PROX1: variants seen among roughly 807,000 people sequenced by gnomAD.
PROX1 encodes the protein prospero homeobox 1.
Under a neutral mutation model 58.8 loss-of-function variants are expected in PROX1, and 7 were observed. The ratio of observed to expected loss-of-function variants is 0.12; its 90% CI spans 0.07 to 0.22. The LOEUF is 0.22. Ranked by LOEUF, PROX1 falls within the 10% of genes least tolerant of loss-of-function variation. The probability of loss-of-function intolerance (pLI) is 1.00; values close to 1 mark genes in which losing one functional copy is unlikely to be tolerated. For missense variants in PROX1, 675 were observed against 927.8 expected (o/e 0.73, Z 3.54); for synonymous variants, 350 against 358.3 (o/e 0.98, Z 0.26).
rs369293784 is a variant in PROX1 at position 214,018,081 on chromosome 1, C to A, written c.2028+6366C>A. On this transcript the variant is annotated intron_variant, in intron 4 of 4. Transcript: ENST00000366958. ...GTTCTAACAACCTTTTGAAAGACAG[C>A]CTGTTTATTTCGCCTAGATGAAACA... 3.3e-5 allele frequency among the ~76,000 whole-genome samples: 5 copies of A among 152,182 alleles called. No homozygotes were observed. The East Asian group carries it at 7.7e-4, about 23-fold the overall frequency.
At position 214,038,160 on chromosome 1, in the gene PROX1, G is replaced by A. The variant is rs1664890798; in HGVS notation, c.*2326G>A. On this transcript the variant is annotated 3_prime_UTR_variant, in exon 5 of 5. Coordinates refer to ENST00000366958, the MANE Select transcript of PROX1 (RefSeq NM_001270616.2). ...CAAAAGTGTGTGTTCACAACCAAAT[G>A]TTGATGCCCTTATCTACTGATAATA... 1 of 152,090 alleles carries A rather than the reference G, an allele frequency of 6.6e-6. No individual in the cohort carries two copies. The highest frequency in any genetic ancestry group is 1.5e-5 in the Non-Finnish European group (1 of 68,024). The allele number at this position is 152,090 out of a possible 1,614,324, so 9.4% of individuals were successfully genotyped here.
chr1:214,038,734 TTTTGAC>T lies in PROX1; in HGVS notation c.*2904_*2909del. On this transcript the variant is annotated 3_prime_UTR_variant, in exon 5 of 5. Transcript: ENST00000366958. ...CCTTCTGTGGCTTTCGATTTCATCT[TTTTGAC>T]TTTATTTCCAATTACTACAGCTGCA... is the stretch of plus-strand genomic sequence containing the variant. 6.6e-6 allele frequency: 1 copy of T among 152,332 alleles called. No individual in the cohort carries two copies. The highest frequency in any genetic ancestry group is 1.9e-4 in the East Asian group (1 of 5,188). 9.4% of individuals were successfully genotyped at this position (152,332 alleles called of 1,614,324 possible).
At chr1:214,002,108 C>T (rs1303361810) in intron 2 of PROX1, among the ~76,000 whole-genome samples, 1 of 152,166 alleles carries the variant, frequency 6.6e-6, no homozygotes, top group Non-Finnish European at 1.5e-5. Flanking sequence ...CTGGGAACTG[C>T]AGCACGTACA....
chr1:214,011,326 A>G (rs1663901854), intron 3 of PROX1, among the ~76,000 whole-genome samples, 195 bp from the exon 4 acceptor site: 1 of 152,180 alleles, frequency 6.6e-6, no homozygotes, highest in Non-Finnish European at 1.5e-5. Flanking sequence ...TATGATTTCC[A>G]TTACTGACAG....
At chr1:213,995,890 G>A (rs1663244151) in intron 1 of PROX1, among the ~76,000 whole-genome samples, 1 of 152,116 alleles carries the variant, frequency 6.6e-6, no homozygotes, top group African/African-American at 2.4e-5. Flanking sequence ...CTGCTGCTAA[G>A]GGTGTTCTCC....
At chr1:214,018,212 T>C (rs905627160) in intron 4 of PROX1, among the ~76,000 whole-genome samples, 6 of 152,222 alleles carry the variant, frequency 3.9e-5, no homozygotes, top group Admixed American at 3.3e-4. Flanking sequence ...CAGGATGTTA[T>C]TTAACTTGAA....
chr1:214,021,496 C>T (rs780465378), intron 4 of PROX1, among the ~76,000 whole-genome samples: 8 of 152,328 alleles, frequency 5.3e-5, no homozygotes, highest in Non-Finnish European at 8.8e-5. Context: ...TTTTTAAAAG[C>T]CTAATCTCAT....
In PROX1 at chr1:213,998,062, A is replaced by G. The variant is rs543500251; in HGVS notation, c.1527A>G (p.Arg509=). The G allele has an allele frequency of 1.9e-6, 3 of 1,613,240 alleles. No homozygotes were observed. The highest frequency in any genetic ancestry group is 2.5e-6 in the Non-Finnish European group (3 of 1,179,550). The change falls in exon 2 of 5, where the codon AGA becomes AGG. Residue 509 remains arginine (R), a synonymous_variant. Coordinates refer to ENST00000366958, the MANE Select transcript of PROX1 (RefSeq NM_001270616.2). ...CCGGCTCCTTCTCTGGAAAAGACAG[A>G]GCCTCTCCTGAATCCTTAGACTTAA... ...APSGSFSGKD[R]ASPESLDLTR... is the part of the protein sequence containing the mutation.
In PROX1 at chr1:214,018,455, C is replaced by T. The variant is rs145971038; in HGVS notation, c.2028+6740C>T. ...ATCTTGTAAGATGATGTGAAACAAA[C>T]GCATTTTGTCTTCCTGCACCCCCCA... On this transcript the variant is annotated intron_variant, in intron 4 of 4. Transcript: ENST00000366958. Among the ~76,000 whole-genome samples, 74 of 152,244 alleles carry T rather than the reference C, an allele frequency of 4.9e-4. No individual in the cohort carries two copies. In the East Asian group the frequency reaches 0.011, roughly 23 times the overall value.
intron 4 of PROX1, among the ~76,000 whole-genome samples, chr1:214,021,758 A>T (rs1251287035): frequency 6.6e-6 from 1 of 152,194 alleles, no homozygotes; most frequent in Non-Finnish European, 1.5e-5. Context: ...GGTTAAAATG[A>T]TCCTATGAGA....
At chr1:214,027,724 T>A (rs1664507559) in intron 4 of PROX1, among the ~76,000 whole-genome samples, 1 of 152,184 alleles carries the variant, frequency 6.6e-6, no homozygotes, top group South Asian at 2.1e-4. Context: ...GAAAATCTAT[T>A]TGACAAAGTG....
At chr1:213,989,493 C>T (rs1230495279) in intron 1 of PROX1, among the ~76,000 whole-genome samples, 2 of 151,840 alleles carry the variant, frequency 1.3e-5, no homozygotes, top group African/African-American at 4.8e-5. Flanking sequence ...GGTCTGGTCT[C>T]GTCTGGGTGG....
intron 4 of PROX1, among the ~76,000 whole-genome samples, chr1:214,025,036 A>G (rs1017451697): frequency 6.6e-6 from 1 of 152,148 alleles, no homozygotes; most frequent in African/African-American, 2.4e-5. Context: ...TTTTCCACCT[A>G]AGTATTGAGC....
At chr1:214,003,037 T>C (rs3754140) in intron 2 of PROX1, among the ~76,000 whole-genome samples, 42,852 of 151,992 alleles carry the variant, frequency 0.28, 6,254 homozygotes, top group Admixed American at 0.39. Flanking sequence ...GAAATCCAAA[T>C]CAGAATAATT....
intron 2 of PROX1, among the ~76,000 whole-genome samples, chr1:214,000,675 T>C (rs1287209278): frequency 6.6e-6 from 1 of 152,218 alleles, no homozygotes; most frequent in African/African-American, 2.4e-5. Flanking sequence ...ATCTCATTGG[T>C]ATATTATTTC....
intron 3 of PROX1, among the ~76,000 whole-genome samples, chr1:214,010,466 C>G (rs1264016723): frequency 6.6e-6 from 1 of 152,098 alleles, no homozygotes; most frequent in Non-Finnish European, 1.5e-5. Context: ...GATAAGTGCT[C>G]TTTGTTGATT....
intron 1 of PROX1, among the ~76,000 whole-genome samples, chr1:213,994,842 G>A (rs935472050): frequency 7.4e-6 from 1 of 134,988 alleles, no homozygotes; most frequent in Non-Finnish European, 1.6e-5. Flanking sequence ...CCTAAAGCAG[G>A]CTCTTTTAAA....
In PROX1 at chr1:213,988,080, TCTC is replaced by T. The variant is rs1204057838; in HGVS notation, c.-470_-468del. 2 of 151,692 alleles carry T rather than the reference TCTC, an allele frequency of 1.3e-5. No individual in the cohort carries two copies. Among genetic ancestry groups the T allele is most frequent in the Non-Finnish European group, 2.9e-5 (2 of 68,326 alleles). The allele number at this position is 151,692 out of a possible 1,614,324, so 9.4% of individuals were successfully genotyped here. On this transcript the variant is annotated 5_prime_UTR_variant, in exon 1 of 5. Transcript: ENST00000366958. The stretch of plus-strand genomic sequence containing the variant: ...TGCTCCCTCTCCGCTTCGCTCCTCT[TCTC>T]TTCTTTACCCTTCTCCTCTCTCCTC...
chr1:214,013,822 A>G (rs1429534245), intron 4 of PROX1, among the ~76,000 whole-genome samples: 2 of 152,134 alleles, frequency 1.3e-5, no homozygotes, highest in African/African-American at 4.8e-5. Context: ...CACTGCAAGG[A>G]GTATGGGGCC....
Sources: allele counts gnomAD v4.1 joint callset (sites outside exome capture counted in the v4.1 genomes callset), GRCh38; gene constraint gnomAD v4.1.1; transcripts MANE v1.5; gene names NCBI Gene and HGNC (gene_info 2026-07-23, HGNC 2026-07-21).